ABCA1: variants seen among roughly 807,000 people sequenced by gnomAD.
The protein encoded by ABCA1 is phospholipid-transporting ATPase ABCA1.
A neutral mutation model predicts 262.5 loss-of-function variants in ABCA1; 133 were observed. That is an observed-to-expected ratio of 0.51 (90% CI 0.44 to 0.59). ABCA1 has a LOEUF of 0.59. ABCA1 is among the 20% of genes least tolerant of loss of function. ABCA1 has a pLI of 0.00. For synonymous variants in ABCA1, 1,022 were observed against 1,043.5 expected (o/e 0.98, Z 0.40); for missense variants, 2,452 against 2,777.5 (o/e 0.88, Z 2.63).
chr9:104,806,023 T>G (rs1216823633), intron 31 of ABCA1, among the ~76,000 whole-genome samples: 1 of 152,022 alleles, frequency 6.6e-6, no homozygotes, highest in Non-Finnish European at 1.5e-5. Context: ...GAGAATCGCT[T>G]GAACCTGGGA....
intron 46 of ABCA1, chr9:104,787,693 G>C (rs1227873773): frequency 1.2e-5 from 3 of 254,102 alleles, no homozygotes; most frequent in African/African-American, 6.9e-5. Context: ...ATCACGCTAA[G>C]AAACAAAGTG....
chr9:104,840,592 G>C (rs1834281171), intron 8 of ABCA1, 73 bp from the exon 9 acceptor site: 5 of 1,406,428 alleles, frequency 3.6e-6, no homozygotes, highest in Non-Finnish European at 4.9e-6. Context: ...TTGGGGATGA[G>C]AAGAGAAAGA....
intron 35 of ABCA1, 89 bp downstream of exon 35, chr9:104,800,420 CT>C (rs1394703509): frequency 1.6e-6 from 2 of 1,270,602 alleles, no homozygotes; most frequent in Non-Finnish European, 2.3e-6. Flanking sequence ...GTGAATGCCC[CT>C]GCCAACTTTA....
intron 25 of ABCA1, among the ~76,000 whole-genome samples, chr9:104,815,622 C>A (rs1831678723): frequency 6.6e-6 from 1 of 151,992 alleles, no homozygotes; most frequent in Admixed American, 6.5e-5. Flanking sequence ...AAACAAAAAA[C>A]AAATCTCAGC....
intron 2 of ABCA1, among the ~76,000 whole-genome samples, chr9:104,897,189 A>C (rs1840299334): frequency 6.6e-6 from 1 of 152,170 alleles, no homozygotes; most frequent in South Asian, 2.1e-4. Flanking sequence ...GGGAAAACTA[A>C]AGTGAAATCT....
At chr9:104,813,889 G>T (rs1288399947) in intron 27 of ABCA1, among the ~76,000 whole-genome samples, 1 of 152,222 alleles carries the variant, frequency 6.6e-6, no homozygotes, top group African/African-American at 2.4e-5. Flanking sequence ...GAGGATTGAG[G>T]CACCATCTTT....
At chr9:104,927,351 A>AAT in intron 1 of ABCA1, among the ~76,000 whole-genome samples, 1 of 152,328 alleles carries the variant, frequency 6.6e-6, no homozygotes, top group Admixed American at 6.5e-5. Flanking sequence ...TCTAGTGAGC[A>AAT]ATAGCACCAC....
intron 39 of ABCA1, 65 bp from the exon 40 acceptor site, chr9:104,794,575 T>C: frequency 7.0e-6 from 11 of 1,560,742 alleles, no homozygotes; most frequent in Non-Finnish European, 9.5e-6. Context: ...GTGTCATTCA[T>C]GGTTTATCCT....
chr9:104,874,452 C>T (rs1446214100), intron 5 of ABCA1, among the ~76,000 whole-genome samples: 1 of 152,050 alleles, frequency 6.6e-6, no homozygotes, highest in Non-Finnish European at 1.5e-5. Flanking sequence ...GTAATCCCAG[C>T]TATTCGGGAG....
intron 2 of ABCA1, among the ~76,000 whole-genome samples, chr9:104,899,289 G>C (rs985716848): frequency 6.6e-6 from 1 of 152,122 alleles, no homozygotes; most frequent in African/African-American, 2.4e-5. Flanking sequence ...ACTAGAAGTG[G>C]GGAAAGGATG....
In ABCA1 at chr9:104,806,364, G is replaced by A. The variant is rs1830764437; in HGVS notation, c.4341C>T (p.Asp1447=). The stretch of plus-strand genomic sequence containing the variant: ...TTGTCCAGTTCCCATTCTGGAAGAG[G>A]TCCATGATGGTCTGGGGAACTGGGG... ...TTAPVPQTIM[D]LFQNGNWTMQ... is the part of the protein sequence containing the mutation. Residue 1447 remains aspartate (D), a synonymous_variant, in exon 31 of 50, where the codon GAC becomes GAT. Coordinates refer to ENST00000374736, the MANE Select transcript of ABCA1 (RefSeq NM_005502.4). 4 of 1,614,050 alleles carry A rather than the reference G, an allele frequency of 2.5e-6. No homozygotes were observed. In the African/African-American group the frequency reaches 5.3e-5, roughly 22 times the overall value.
chr9:104,910,075 G>T (rs913043440), intron 1 of ABCA1, among the ~76,000 whole-genome samples: 1 of 152,162 alleles, frequency 6.6e-6, no homozygotes, highest in African/African-American at 2.4e-5. Flanking sequence ...TTAGTGCTGG[G>T]CTCCTATCGA....
At chr9:104,906,308 T>C (rs1339306372) in intron 1 of ABCA1, among the ~76,000 whole-genome samples, 5 of 151,768 alleles carry the variant, frequency 3.3e-5, no homozygotes, top group Admixed American at 1.3e-4. Context: ...AAACCCTGAG[T>C]GGAAAAGCTC....
chr9:104,852,287 A>G (rs937849446), intron 7 of ABCA1, among the ~76,000 whole-genome samples: 1 of 152,242 alleles, frequency 6.6e-6, no homozygotes, highest in Admixed American at 6.5e-5. Flanking sequence ...GGTGATTTCT[A>G]TGACAGTAAA....
chr9:104,832,706 T>C lies in ABCA1; in HGVS notation c.1377A>G (p.Thr459=), dbSNP rs186911476. Residue 459 remains threonine (T), a synonymous_variant, in exon 12 of 50, where the codon ACA becomes ACG. Transcript: ENST00000374736. ...CCAAAAACGCCACGATGTCTTGGGCTGTCCAATCTAAGCCATCCAACTGCT... is the reference window on the plus strand; with the variant it reads ...CCAAAAACGCCACGATGTCTTGGGCCGTCCAATCTAAGCCATCCAACTGCT... ...WEQQLDGLDW[T]AQDIVAFLAK... 1 of 1,614,082 alleles carries C rather than the reference T, an allele frequency of 6.2e-7. No homozygotes were observed. The highest frequency in any genetic ancestry group is 8.5e-7 in the Non-Finnish European group (1 of 1,180,044).
chr9:104,809,689 AT>A, intron 29 of ABCA1, 125 bp from the exon 30 acceptor site: 1 of 926,534 alleles, frequency 1.1e-6, no homozygotes, highest in East Asian at 2.7e-5. Flanking sequence ...TAAAACAGAA[AT>A]GAACAAAACA....
chr9:104,884,623 G>T, intron 3 of ABCA1, 55 bp from the exon 4 acceptor site: 1 of 1,600,132 alleles, frequency 6.2e-7, no homozygotes, highest in Non-Finnish European at 8.6e-7. Flanking sequence ...TCCCTGAAGC[G>T]ATTTTGAGGC....
chr9:104,825,609 G>A (rs1832747323), intron 17 of ABCA1, 74 bp downstream of exon 17: 2 of 1,497,304 alleles, frequency 1.3e-6, no homozygotes, highest in South Asian at 1.1e-5. Context: ...CCCATGCACT[G>A]CAGAGATTCT....
chr9:104,855,614 C>T, intron 7 of ABCA1: 3 of 1,422,346 alleles, frequency 2.1e-6, no homozygotes, highest in Non-Finnish European at 2.8e-6. Flanking sequence ...CCAGGCCCCA[C>T]ACCAGGCTCT....
Sources: allele counts gnomAD v4.1 joint callset (sites outside exome capture counted in the v4.1 genomes callset), GRCh38; gene constraint gnomAD v4.1.1; transcripts MANE v1.5; gene names NCBI Gene and HGNC (gene_info 2026-07-23, HGNC 2026-07-21).